The following IDE variants were observed in gnomAD, a reference collection of about 807,000 sequenced individuals.
IDE encodes insulin degrading enzyme.
IDE carries 58 observed loss-of-function variants against 133.2 expected under a neutral mutation model. The ratio of observed to expected loss-of-function variants is 0.44; its 90% CI spans 0.35 to 0.54. The LOEUF (loss-of-function observed/expected upper bound fraction) is 0.54. Among genes scored for constraint, IDE ranks in the 20% least tolerant of loss-of-function variants. The pLI is 0.00. For synonymous variants in IDE, 396 were observed against 421.3 expected (o/e 0.94, Z 0.73); for missense variants, 981 against 1,234.0 (o/e 0.79, Z 3.07).
chr10:92,552,993 C>T (rs1266016752), intron 1 of IDE, among the ~76,000 whole-genome samples: 1 of 150,764 alleles, frequency 6.6e-6, no homozygotes, highest in Non-Finnish European at 1.5e-5. Context: ...ATTCAAAATA[C>T]ACAGGAGCCA....
Position 92,553,108 on chromosome 10 carries a change from T to C in IDE, c.99-15558A>G, listed in dbSNP as rs1243625477. Among the ~76,000 whole-genome samples, 6 of 151,836 alleles carry C rather than the reference T, an allele frequency of 4.0e-5. No individual in the cohort carries two copies. In the East Asian group the frequency reaches 7.8e-4, roughly 20 times the overall value. On this transcript the variant is annotated intron_variant, in intron 1 of 24. Coordinates refer to ENST00000265986, the MANE Select transcript of IDE (RefSeq NM_004969.4). ...GTAAGTTAAGATAAATGTATGTTCA[T>C]AGCAATATAAATAAATAAGAAAAAG...
chr10:92,491,101 G>C (rs1157383730), intron 11 of IDE, among the ~76,000 whole-genome samples: 1 of 151,812 alleles, frequency 6.6e-6, no homozygotes, highest in African/African-American at 2.4e-5. Context: ...AACCAGGTGG[G>C]GTGGCACGCA....
intron 9 of IDE, among the ~76,000 whole-genome samples, 153 bp from the exon 10 acceptor site, chr10:92,506,675 T>C (rs1373456423): frequency 1.3e-5 from 2 of 152,034 alleles, no homozygotes; most frequent in Non-Finnish European, 2.9e-5. Context: ...GATTTAGAAA[T>C]GTATAGAATA....
chr10:92,453,905 C>T lies in IDE; in HGVS notation c.*539G>A, dbSNP rs1179013522. On this transcript the variant is annotated 3_prime_UTR_variant, in exon 25 of 25. Transcript: ENST00000265986. ...ATTTTATAAAAAGATTAAAACCATGCCTTATATAACCAGCATTTCACTAAT... is the reference window on the plus strand; with the variant it reads ...ATTTTATAAAAAGATTAAAACCATGTCTTATATAACCAGCATTTCACTAAT... The T allele has an allele frequency of 6.6e-6, 1 of 152,106 alleles. No homozygotes were observed. 9.4% of individuals were successfully genotyped at this position (152,106 alleles called of 1,614,324 possible).
At position 92,468,331 on chromosome 10, in the gene IDE, T is replaced by C. The variant is rs536259090; in HGVS notation, c.2320+548A>G. ...TTCTATTACACAGTTTTGAGCAATA[T>C]TGACAATAATGCTTAATGAGTTTTT... is the stretch of plus-strand genomic sequence containing the variant. On this transcript the variant is annotated intron_variant, in intron 19 of 24. Coordinates refer to ENST00000265986, the MANE Select transcript of IDE (RefSeq NM_004969.4). Among the ~76,000 whole-genome samples the C allele has an allele frequency of 5.3e-5, 8 of 152,300 alleles. No individual in the cohort carries two copies. In the South Asian group the frequency reaches 6.2e-4, roughly 12 times the overall value.
At chr10:92,508,380 G>A (rs1848410286) in intron 7 of IDE, among the ~76,000 whole-genome samples, 175 bp from the exon 8 acceptor site, 1 of 152,004 alleles carries the variant, frequency 6.6e-6, no homozygotes, top group Admixed American at 6.6e-5. Flanking sequence ...TGCAGAAGTG[G>A]GGGCTTTCCT....
intron 4 of IDE, among the ~76,000 whole-genome samples, chr10:92,519,053 A>C (rs559074995): frequency 5.3e-5 from 8 of 152,260 alleles, no homozygotes; most frequent in Admixed American, 3.9e-4. Context: ...AAAATACTGA[A>C]GTATTTAACA....
At chr10:92,491,824 T>C (rs1349805120) in intron 11 of IDE, among the ~76,000 whole-genome samples, 1 of 151,696 alleles carries the variant, frequency 6.6e-6, no homozygotes, top group African/African-American at 2.4e-5. Flanking sequence ...TTGGCCAGGC[T>C]GGTCTTGAAC....
intron 4 of IDE, among the ~76,000 whole-genome samples, chr10:92,518,237 T>C (rs570825490): frequency 6.6e-6 from 1 of 152,280 alleles, no homozygotes; most frequent in African/African-American, 2.4e-5. Flanking sequence ...CCATCTCGGC[T>C]CACTGCAACC....
chr10:92,534,746 T>C lies in IDE; in HGVS notation c.323A>G (p.His108Arg). The C allele has an allele frequency of 6.2e-7, 1 of 1,613,846 alleles. No individual in the cohort carries two copies. The highest frequency in any genetic ancestry group is 8.5e-7 in the Non-Finnish European group (1 of 1,179,944). ...CAAAAAAAGCATATGTTCACAAAAA[T>C]GACTTAAGCCAGCAATATTTGGAGG... ...SDPPNIAGLSHFCEHMLFLGT... is the reference protein window; with the variant it reads ...SDPPNIAGLSRFCEHMLFLGT... Residue 108 changes from histidine (H) to arginine (R), a missense_variant, in exon 3 of 25, where the codon CAT becomes CGT. Transcript: ENST00000265986.
At chr10:92,512,320 C>T (rs1848674218) in intron 5 of IDE, among the ~76,000 whole-genome samples, 1 of 152,156 alleles carries the variant, frequency 6.6e-6, no homozygotes, top group African/African-American at 2.4e-5. Flanking sequence ...CTCCTCATAC[C>T]TCTATACTGT....
intron 11 of IDE, among the ~76,000 whole-genome samples, chr10:92,500,240 T>C (rs943461593): frequency 6.6e-6 from 1 of 151,000 alleles, no homozygotes; most frequent in African/African-American, 2.4e-5. Context: ...GAGGTTTCAG[T>C]GAGCTGAGAT....
chr10:92,523,951 T>G (rs1291720980), intron 4 of IDE, among the ~76,000 whole-genome samples: 1 of 152,042 alleles, frequency 6.6e-6, no homozygotes, highest in East Asian at 1.9e-4. Flanking sequence ...GTTTTTCCTT[T>G]TACTATTCTA....
chr10:92,461,831 AT>A lies in IDE; in HGVS notation c.2762-580del, dbSNP rs914022278. Among the ~76,000 whole-genome samples the A allele has an allele frequency of 1.2e-3, 175 of 149,474 alleles. 1 individual carries two copies. Among genetic ancestry groups the A allele is most frequent in the African/African-American group, 3.7e-3 (149 of 40,746 alleles). On this transcript the variant is annotated intron_variant, in intron 21 of 24. Coordinates refer to ENST00000265986, the MANE Select transcript of IDE (RefSeq NM_004969.4). ...AGGCGCCCGCCACCATGCCCAGCTA[AT>A]TTTTTTTTTCTTTTTTATATTCTTA...
chr10:92,525,752 G>GAAAAAAAAAAA (rs59547662), intron 4 of IDE, among the ~76,000 whole-genome samples: 3 of 116,416 alleles, frequency 2.6e-5, no homozygotes, highest in Non-Finnish European at 5.3e-5. Flanking sequence ...TGAACAATCT[G>GAAAAAAAAAAA]AAAAAAAAAA....
intron 17 of IDE, among the ~76,000 whole-genome samples, chr10:92,471,436 G>A (rs1439801454): frequency 6.6e-6 from 1 of 152,182 alleles, no homozygotes; most frequent in Admixed American, 6.5e-5. Flanking sequence ...GGAAAATGAA[G>A]TTAAGAAAAT....
At chr10:92,526,820 T>C (rs1445991825) in intron 4 of IDE, among the ~76,000 whole-genome samples, 1 of 121,994 alleles carries the variant, frequency 8.2e-6, no homozygotes, top group Non-Finnish European at 1.6e-5. Context: ...CATTCCAGCC[T>C]GGGCAACAGG....
intron 1 of IDE, 115 bp downstream of exon 1, chr10:92,573,807 G>T: frequency 1.4e-6 from 1 of 723,966 alleles, no homozygotes; most frequent in South Asian, 2.4e-5. Context: ...GGCGGGACGG[G>T]CGGCGTGAGG....
chr10:92,530,701 C>T (rs1849875239), intron 4 of IDE, among the ~76,000 whole-genome samples: 1 of 152,212 alleles, frequency 6.6e-6, no homozygotes, highest in Admixed American at 6.5e-5. Flanking sequence ...CTAAGAACCA[C>T]ACTATTCATC....
Sources: allele counts gnomAD v4.1 joint callset (sites outside exome capture counted in the v4.1 genomes callset), GRCh38; gene constraint gnomAD v4.1.1; transcripts MANE v1.5; gene names NCBI Gene and HGNC (gene_info 2026-07-23, HGNC 2026-07-21).